KAZN: variants seen among roughly 807,000 people sequenced by gnomAD.
The protein encoded by KAZN is kazrin, periplakin interacting protein.
In KAZN, 40 loss-of-function variants were observed where a neutral mutation model predicts 87.4. That is an observed-to-expected ratio of 0.46 (90% CI 0.36 to 0.60). KAZN has a LOEUF of 0.60. Among genes scored for constraint, KAZN ranks in the 20% least tolerant of loss-of-function variants. KAZN has a pLI of 0.00. For missense variants in KAZN, 898 were observed against 1,073.9 expected, an observed-to-expected ratio of 0.84 and a Z score of 2.29; for synonymous variants, 466 against 458.3, an observed-to-expected ratio of 1.02 and a Z score of -0.22.
At chr1:14,561,074 G>T (rs1166619376) in intron 2 of KAZN, among the ~76,000 whole-genome samples, 1 of 152,152 alleles carries the variant, frequency 6.6e-6, no homozygotes, top group East Asian at 1.9e-4. Flanking sequence ...GGGAGCACCT[G>T]CTTGGTTCCA....
At chr1:14,743,544 A>T (rs1480990723) in intron 1 of KAZN, among the ~76,000 whole-genome samples, 1 of 152,186 alleles carries the variant, frequency 6.6e-6, no homozygotes, top group Non-Finnish European at 1.5e-5. Flanking sequence ...AAATTGGCTT[A>T]AGCAAAAAGA....
At chr1:14,822,436 A>G (rs939351870) in intron 1 of KAZN, among the ~76,000 whole-genome samples, 2 of 152,206 alleles carry the variant, frequency 1.3e-5, no homozygotes, top group Admixed American at 6.5e-5. Context: ...GGTTGCTTAC[A>G]TGGTGAAGGA....
chr1:14,350,428 C>T (rs763080576), intron 2 of KAZN, among the ~76,000 whole-genome samples: 1 of 152,214 alleles, frequency 6.6e-6, no homozygotes, highest in Non-Finnish European at 1.5e-5. Context: ...TTATGGCTGT[C>T]ACCATCACTA....
rs112903243 is a variant in KAZN, at chr1:13,895,119, T to C, written c.91+1363T>C. Among the ~76,000 whole-genome samples the C allele has an allele frequency of 6.6e-3, 1,009 of 152,332 alleles. 12 individuals are homozygous for C. Among genetic ancestry groups the C allele is most frequent in the African/African-American group, 0.019 (770 of 41,562 alleles). ...TTCTATGGGTCAGTCAAGGCATCTCTGTTTGCAGGGAGGGGCATAGCTGCC... is the reference window on the plus strand; with the variant it reads ...TTCTATGGGTCAGTCAAGGCATCTCCGTTTGCAGGGAGGGGCATAGCTGCC... On this transcript the variant is annotated intron_variant, in intron 1 of 16. Coordinates refer to the KAZN transcript ENST00000636203.
At chr1:14,022,835 A>T (rs779867604) in intron 1 of KAZN, among the ~76,000 whole-genome samples, 7 of 152,210 alleles carry the variant, frequency 4.6e-5, no homozygotes, top group Non-Finnish European at 8.8e-5. Flanking sequence ...GGGGTAGTTC[A>T]GTGCAAAGAC....
At chr1:14,502,608 T>C (rs1272105865) in intron 2 of KAZN, among the ~76,000 whole-genome samples, 2 of 152,106 alleles carry the variant, frequency 1.3e-5, no homozygotes, top group Non-Finnish European at 2.9e-5. Context: ...AACGGTCAGT[T>C]TAAAAGGTTT....
At chr1:14,926,620 A>C (rs772815095) in intron 1 of KAZN, among the ~76,000 whole-genome samples, 1 of 152,190 alleles carries the variant, frequency 6.6e-6, no homozygotes, top group South Asian at 2.1e-4. Flanking sequence ...GAGAACTTCC[A>C]TGATGGCTAG....
chr1:14,417,282 G>T (rs964233802), intron 2 of KAZN, among the ~76,000 whole-genome samples: 1 of 152,090 alleles, frequency 6.6e-6, no homozygotes, highest in African/African-American at 2.4e-5. Flanking sequence ...ATTAAGAAGG[G>T]CAATTTTTAA....
intron 2 of KAZN, chr1:14,348,871 TGTTC>T (rs1557655103): frequency 6.6e-6 from 1 of 152,232 alleles, no homozygotes; most frequent in East Asian, 1.9e-4. Flanking sequence ...CTACCTGATG[TGTTC>T]AGATCCACCA....
intron 2 of KAZN, among the ~76,000 whole-genome samples, chr1:14,290,005 C>T (rs1329994694): frequency 6.6e-6 from 1 of 152,156 alleles, no homozygotes; most frequent in Admixed American, 6.6e-5. Flanking sequence ...AATATTGGCC[C>T]CCACTCTTTT....
At chr1:14,066,934 A>C (rs536787626) in intron 1 of KAZN, among the ~76,000 whole-genome samples, 2 of 152,280 alleles carry the variant, frequency 1.3e-5, no homozygotes, top group South Asian at 2.1e-4. Context: ...CTTGGGCTGG[A>C]GAAGCATTAA....
At position 13,986,861 on chromosome 1, in the gene KAZN, C is replaced by T. The variant is rs535480265; in HGVS notation, c.91+93105C>T. ...GTTGTCCTCATTTAGACTCATGCTG[C>T]TCTGTCCTGGACCTGAAGATCTGCT... On this transcript the variant is annotated intron_variant, in intron 1 of 16. Transcript: ENST00000636203. 1.7e-4 allele frequency among the ~76,000 whole-genome samples: 26 copies of T among 152,344 alleles called. 1 individual carries two copies. Among genetic ancestry groups the T allele is most frequent in the African/African-American group, 5.8e-4 (24 of 41,584 alleles).
At chr1:13,964,703 G>A (rs557453520) in intron 1 of KAZN, among the ~76,000 whole-genome samples, 35 of 152,296 alleles carry the variant, frequency 2.3e-4, no homozygotes, top group African/African-American at 8.4e-4. Flanking sequence ...CCCTTTTGCC[G>A]CATTCTGTCA....
chr1:14,460,705 G>T (rs1295972401), intron 2 of KAZN, among the ~76,000 whole-genome samples: 1 of 152,152 alleles, frequency 6.6e-6, no homozygotes, highest in African/African-American at 2.4e-5. Flanking sequence ...AAGATAAGGA[G>T]TCCCTTCCTC....
At chr1:14,893,931 A>T (rs1332334772) in intron 1 of KAZN, among the ~76,000 whole-genome samples, 1 of 152,102 alleles carries the variant, frequency 6.6e-6, no homozygotes, top group East Asian at 1.9e-4. Flanking sequence ...TGAAATATTG[A>T]TGTGGCAGCC....
At chr1:14,629,177 A>C (rs1679373880) in intron 1 of KAZN, among the ~76,000 whole-genome samples, 1 of 152,206 alleles carries the variant, frequency 6.6e-6, no homozygotes, top group African/African-American at 2.4e-5. Flanking sequence ...ATCAATTCTC[A>C]TACGGTGGCA....
intron 13 of KAZN, 49 bp from the exon 14 acceptor site, chr1:15,112,378 G>C: frequency 1.2e-6 from 1 of 843,014 alleles, no homozygotes. Context: ...TGTGTGTCTG[G>C]GGAGCTGACT....
At chr1:14,211,471 G>A (rs928544478) in intron 2 of KAZN, among the ~76,000 whole-genome samples, 3 of 152,066 alleles carry the variant, frequency 2.0e-5, no homozygotes, top group Non-Finnish European at 4.4e-5. Flanking sequence ...TGATCTGCCC[G>A]CCTCGGCCTC....
At chr1:14,128,496 G>GA (rs1644922267) in intron 1 of KAZN, among the ~76,000 whole-genome samples, 1 of 152,140 alleles carries the variant, frequency 6.6e-6, no homozygotes, top group African/African-American at 2.4e-5. Context: ...TCTCTCCTCG[G>GA]CTTGCAGACA....
Sources: allele counts gnomAD v4.1 joint callset (sites outside exome capture counted in the v4.1 genomes callset), GRCh38; gene constraint gnomAD v4.1.1; transcripts MANE v1.5; gene names NCBI Gene and HGNC (gene_info 2026-07-23, HGNC 2026-07-21).